Variants in ANK2 observed in about 807,000 individuals in gnomAD.
ANK2 encodes the protein ankyrin-2.
In ANK2, 83 loss-of-function variants were observed where a neutral mutation model predicts 360.5. That is an observed-to-expected ratio of 0.23 (90% CI 0.19 to 0.28). The LOEUF is 0.28. Ranked by LOEUF, ANK2 falls within the 10% of genes least tolerant of loss-of-function variation. ANK2 has a pLI of 1.00. For missense variants in ANK2, 4,201 were observed against 4,795.7 expected, an observed-to-expected ratio of 0.88 and a Z score of 3.66; for synonymous variants, 1,740 against 1,759.5, an observed-to-expected ratio of 0.99 and a Z score of 0.28.
chr4:113,222,927 C>A (rs1008541171), intron 4 of ANK2, among the ~76,000 whole-genome samples: 1 of 152,034 alleles, frequency 6.6e-6, no homozygotes. Flanking sequence ...TAATAGGATG[C>A]CTTCTTAACT....
intron 14 of ANK2, among the ~76,000 whole-genome samples, chr4:113,269,134 T>C (rs2057458436): frequency 6.6e-6 from 1 of 152,168 alleles, no homozygotes; most frequent in South Asian, 2.1e-4. Flanking sequence ...CCTACCACGC[T>C]GGAGCCTCCC....
intron 17 of ANK2, among the ~76,000 whole-genome samples, chr4:113,280,755 C>A (rs963313339): frequency 2.6e-5 from 4 of 152,166 alleles, no homozygotes; most frequent in Non-Finnish European, 5.9e-5. Context: ...TGAGTATCTA[C>A]CAGGCAAACC....
chr4:113,264,600 T>C (rs2054853099), intron 13 of ANK2, among the ~76,000 whole-genome samples: 1 of 152,030 alleles, frequency 6.6e-6, no homozygotes, highest in Non-Finnish European at 1.5e-5. Flanking sequence ...CAGGCACCTG[T>C]AGTCCCAGCT....
chr4:112,762,923 G>A, the ANK2 span, among the ~76,000 whole-genome samples: 54 of 152,316 alleles, frequency 3.5e-4, no homozygotes, highest in East Asian at 0.01. Context: ...CCCTCTAGTG[G>A]CAATAATTTA....
At chr4:112,826,785 A>C (rs1236020110) in intron 1 of ANK2, 6 of 1,018,784 alleles carry the variant, frequency 5.9e-6, no homozygotes, top group Non-Finnish European at 9.0e-6. Flanking sequence ...TGGAAATAAA[A>C]TTCTGTTGCT....
At chr4:113,142,117 G>T (rs2096653322) in intron 1 of ANK2, among the ~76,000 whole-genome samples, 1 of 152,156 alleles carries the variant, frequency 6.6e-6, no homozygotes, top group South Asian at 2.1e-4. Flanking sequence ...TTCTGCCCTG[G>T]CAGAAAGCAT....
chr4:112,729,459 G>A, the ANK2 span, among the ~76,000 whole-genome samples: 1 of 152,100 alleles, frequency 6.6e-6, no homozygotes. Flanking sequence ...TGGATGATTA[G>A]ATACAGAAAA....
intron 1 of ANK2, among the ~76,000 whole-genome samples, chr4:113,146,897 T>G (rs1028913403): frequency 6.6e-6 from 1 of 152,236 alleles, no homozygotes; most frequent in East Asian, 1.9e-4. Flanking sequence ...GTACTTGTTA[T>G]GTACTTGCCT....
intron 41 of ANK2, 127 bp from the exon 42 acceptor site, chr4:113,367,439 T>C: frequency 2.3e-6 from 2 of 852,274 alleles, no homozygotes; most frequent in South Asian, 3.2e-5. Context: ...TTGTAATCCA[T>C]GGGCCCATCT....
chr4:113,331,616 T>TG (rs757514285), intron 27 of ANK2, among the ~76,000 whole-genome samples: 1 of 152,246 alleles, frequency 6.6e-6, no homozygotes. Flanking sequence ...TCAGATCTGT[T>TG]GGGGAATATG....
chr4:112,955,949 G>A (rs903345845), intron 2 of ANK2, among the ~76,000 whole-genome samples: 7 of 152,162 alleles, frequency 4.6e-5, no homozygotes, highest in Non-Finnish European at 8.8e-5. Flanking sequence ...CTGCCAGGAA[G>A]TAATGGTAAC....
the ANK2 span, among the ~76,000 whole-genome samples, chr4:112,784,351 T>A: frequency 3.8e-5 from 1 of 26,036 alleles, no homozygotes; most frequent in Admixed American, 6.3e-4. Context: ...CCCTGACTGA[T>A]TTTTTTTTTT....
At chr4:113,049,881 T>C in intron 1 of ANK2, 69 bp downstream of exon 1, 1 of 1,556,610 alleles carries the variant, frequency 6.4e-7, no homozygotes, top group Admixed American at 1.7e-5. Flanking sequence ...GTGTGTAATA[T>C]CAGCAAGGCT....
chr4:113,018,134 G>C (rs35052270), intron 2 of ANK2, among the ~76,000 whole-genome samples: 87,124 of 152,146 alleles, frequency 0.57, 26,473 homozygotes, highest in Non-Finnish European at 0.69. Context: ...AGTCAGTCTT[G>C]ATGTCTGTGT....
At chr4:113,055,004 C>G (rs1281873405) in intron 1 of ANK2, among the ~76,000 whole-genome samples, 1 of 152,162 alleles carries the variant, frequency 6.6e-6, no homozygotes, top group Admixed American at 6.6e-5. Flanking sequence ...TAAAATAATT[C>G]ACTTCTTAGG....
chr4:113,341,560 C>G (rs956512006), intron 32 of ANK2, 128 bp from the exon 33 acceptor site: 16 of 901,232 alleles, frequency 1.8e-5, no homozygotes, highest in East Asian at 7.7e-5. Context: ...CTCTCATTAT[C>G]TCCCTCTCTC....
At chr4:113,019,170 A>G (rs2057417391) in intron 2 of ANK2, among the ~76,000 whole-genome samples, 1 of 152,240 alleles carries the variant, frequency 6.6e-6, no homozygotes, top group Non-Finnish European at 1.5e-5. Context: ...GGTTTTTAAC[A>G]TTTTAAAATA....
chr4:113,088,866 C>T (rs911520421), intron 1 of ANK2, among the ~76,000 whole-genome samples: 22 of 152,148 alleles, frequency 1.4e-4, no homozygotes, highest in Non-Finnish European at 2.9e-5. Flanking sequence ...TCCCTTTTCA[C>T]ACTGCTCCTC....
intron 2 of ANK2, among the ~76,000 whole-genome samples, chr4:112,905,394 G>A (rs183200321): frequency 6.6e-6 from 1 of 152,180 alleles, no homozygotes; most frequent in Non-Finnish European, 1.5e-5. Context: ...AATCAACTTA[G>A]CTTTTTAATA....
Sources: gnomAD v4.1 joint callset for allele counts (sites outside exome capture counted in the v4.1 genomes callset) on GRCh38, gnomAD v4.1.1 for gene constraint, MANE v1.5 for transcripts, NCBI Gene and HGNC (gene_info 2026-07-23, HGNC 2026-07-21) for gene names.